KLHL22: variants seen among roughly 807,000 people sequenced by gnomAD.
KLHL22 encodes the protein kelch like family member 22.
KLHL22 carries 18 observed loss-of-function variants against 60.7 expected under a neutral mutation model. The observed-to-expected ratio is 0.30, with a 90% CI of 0.20 to 0.44. The LOEUF (loss-of-function observed/expected upper bound fraction) is 0.44. KLHL22 is among the 20% of genes least tolerant of loss of function. The pLI is 1.00. For synonymous variants in KLHL22, 355 were observed against 354.5 expected (o/e 1.00, Z -0.01); for missense variants, 596 against 852.3 (o/e 0.70, Z 3.74).
chr22:20,458,743 A>C (rs1278303878), intron 4 of KLHL22, among the ~76,000 whole-genome samples: 1 of 151,886 alleles, frequency 6.6e-6, no homozygotes, highest in Non-Finnish European at 1.5e-5. Flanking sequence ...TCATACCCTC[A>C]GCTTTGTCAA....
chr22:20,450,589 A>G, intron 5 of KLHL22: 1 of 1,608,612 alleles, frequency 6.2e-7, no homozygotes, highest in Admixed American at 1.7e-5. Context: ...TGAGGTTTTT[A>G]GCCAGAAGAA....
intron 4 of KLHL22, among the ~76,000 whole-genome samples, chr22:20,458,809 C>T (rs2053108847): frequency 6.6e-6 from 1 of 152,142 alleles, no homozygotes; most frequent in Non-Finnish European, 1.5e-5. Context: ...CACCATGCTG[C>T]CAGCCCCGCG....
At chr22:20,458,074 C>G in intron 4 of KLHL22, 74 bp from the exon 5 acceptor site, 1 of 1,527,680 alleles carries the variant, frequency 6.5e-7, no homozygotes, top group Non-Finnish European at 8.9e-7. Context: ...ACCTCTTGTT[C>G]TGGTCCCATT....
intron 4 of KLHL22, among the ~76,000 whole-genome samples, chr22:20,458,273 C>CTTTTTT (rs35379911): frequency 2.2e-4 from 17 of 76,514 alleles, no homozygotes; most frequent in South Asian, 5.2e-4. Flanking sequence ...TCCAATGGCT[C>CTTTTTT]TTTTTTTTTT....
In KLHL22 at chr22:20,441,968, G is replaced by C; in HGVS notation, c.*105C>G. On this transcript the variant is annotated 3_prime_UTR_variant, in exon 7 of 7. Coordinates refer to ENST00000328879, the MANE Select transcript of KLHL22 (RefSeq NM_032775.4). ...CAGGGCCCATAAGCTGTGGCCAACA[G>C]GGGCAGGGGCCCTGCCTGGAGTAAA... is the stretch of plus-strand genomic sequence containing the variant. The C allele has an allele frequency of 8.2e-7, 1 of 1,215,112 alleles. No homozygotes were observed. Among genetic ancestry groups the C allele is most frequent in the Non-Finnish European group, 1.1e-6 (1 of 901,260 alleles). 75.3% of individuals were successfully genotyped at this position (1,215,112 alleles called of 1,614,324 possible).
intron 1 of KLHL22, chr22:20,489,824 G>T (rs2053653834): frequency 2.1e-6 from 1 of 470,800 alleles, no homozygotes; most frequent in Admixed American, 2.4e-5. Flanking sequence ...TGCCAAGGGG[G>T]TGGCATTTCC....
At position 20,442,285 on chromosome 22, in the gene KLHL22, T is replaced by C; in HGVS notation, c.1693A>G (p.Ile565Val). ...NRGSRTGYVH[I>V]YDVEKDCWEE... Reference sequence around the variant, plus strand: ...CAGCAGTCCTTCTCCACATCGTAAATGTGCACGTAGCCTGTGCGGCTGCCG... The same window carrying C: ...CAGCAGTCCTTCTCCACATCGTAAACGTGCACGTAGCCTGTGCGGCTGCCG... Residue 565 changes from isoleucine (I) to valine (V), a missense_variant, in exon 7 of 7, where the codon ATT becomes GTT. By Grantham distance (29) the Ile-to-Val change is conservative. Coordinates refer to ENST00000328879, the MANE Select transcript of KLHL22 (RefSeq NM_032775.4). 2 of 1,613,910 alleles carry C rather than the reference T, an allele frequency of 1.2e-6. No individual in the cohort carries two copies. Among genetic ancestry groups the C allele is most frequent in the Non-Finnish European group, 1.7e-6 (2 of 1,179,998 alleles).
In KLHL22 at chr22:20,442,448, C is replaced by T; in HGVS notation, c.1540-10G>A. The T allele has an allele frequency of 6.3e-7, 1 of 1,576,230 alleles. No homozygotes were observed. The highest frequency in any genetic ancestry group is 8.6e-7 in the Non-Finnish European group (1 of 1,158,844). On this transcript the variant is annotated splice_polypyrimidine_tract_variant and intron_variant, in intron 6 of 6. Coordinates refer to ENST00000328879, the MANE Select transcript of KLHL22 (RefSeq NM_032775.4). ...AGCTGTAGCAGGCCACCTGCAAAGCCAAGGCTAGAATAAAGCCCAGCACCC... is the reference window on the plus strand; with the variant it reads ...AGCTGTAGCAGGCCACCTGCAAAGCTAAGGCTAGAATAAAGCCCAGCACCC...
intron 5 of KLHL22, chr22:20,451,301 G>T: frequency 3.1e-6 from 5 of 1,607,458 alleles, no homozygotes; most frequent in Non-Finnish European, 2.6e-6. Context: ...CGTCACACCA[G>T]TATGGAGCGG....
intron 5 of KLHL22, chr22:20,451,011 A>T (rs112009024): frequency 6.5e-7 from 1 of 1,535,178 alleles, no homozygotes; most frequent in Non-Finnish European, 9.0e-7. Flanking sequence ...CCATCGATGC[A>T]GTAGAGAAAT....
At position 20,447,529 on chromosome 22, in the gene KLHL22, T is replaced by A. The variant is rs1167200804; in HGVS notation, c.1306-853A>T. 2.7e-5 allele frequency among the ~76,000 whole-genome samples: 4 copies of A among 148,684 alleles called. No homozygotes were observed. The East Asian group carries it at 8.1e-4, about 30-fold the overall frequency. On this transcript the variant is annotated intron_variant, in intron 5 of 6. Coordinates refer to ENST00000328879, the MANE Select transcript of KLHL22 (RefSeq NM_032775.4). The stretch of plus-strand genomic sequence containing the variant: ...GGTCTTCTCCTATCACCAGTAGGGG[T>A]CTGGGGAGGTTTTTCTTTTTTTTTT...
At chr22:20,472,178 C>T (rs746691464) in intron 2 of KLHL22, among the ~76,000 whole-genome samples, 30 of 152,250 alleles carry the variant, frequency 2.0e-4, no homozygotes, top group South Asian at 4.1e-4. Context: ...ACCTGGGAGA[C>T]GGAGGGTGCC....
Position 20,489,953 on chromosome 22 carries a change from A to G in KLHL22, c.-33-709T>C, listed in dbSNP as rs570747991. ...ATTAAAGATTATCTTCTAATAATTG[A>G]GTCAGTACGTTCAAAAACCGCAAAC... On this transcript the variant is annotated intron_variant, in intron 1 of 6. Coordinates refer to ENST00000328879, the MANE Select transcript of KLHL22 (RefSeq NM_032775.4). 1.1e-3 allele frequency: 402 copies of G among 369,772 alleles called. 6 individuals are homozygous for G. Among genetic ancestry groups the G allele is most frequent in the South Asian group, 7.9e-3 (379 of 47,800 alleles). 22.9% of individuals were successfully genotyped at this position (369,772 alleles called of 1,614,324 possible).
intron 3 of KLHL22, among the ~76,000 whole-genome samples, chr22:20,469,676 A>G (rs2053283774): frequency 6.6e-6 from 1 of 152,212 alleles, no homozygotes; most frequent in East Asian, 1.9e-4. Context: ...GGTCCTATCC[A>G]CCAATCTGAG....
At chr22:20,464,115 C>T (rs1352106017) in intron 4 of KLHL22, among the ~76,000 whole-genome samples, 5 of 152,216 alleles carry the variant, frequency 3.3e-5, no homozygotes, top group Non-Finnish European at 7.3e-5. Flanking sequence ...GCCTGAACCA[C>T]TGTCCCTTGC....
At chr22:20,489,805 G>A (rs544060408) in intron 1 of KLHL22, 1 of 471,148 alleles carries the variant, frequency 2.1e-6, no homozygotes, top group Non-Finnish European at 4.4e-6. Context: ...CAGGAGTCTG[G>A]GAGGTGGGTG....
chr22:20,467,047 G>C (rs908016929), intron 3 of KLHL22, among the ~76,000 whole-genome samples: 2 of 152,242 alleles, frequency 1.3e-5, no homozygotes, highest in Non-Finnish European at 2.9e-5. Flanking sequence ...GAACAAACCA[G>C]GTGTTGATAA....
intron 6 of KLHL22, among the ~76,000 whole-genome samples, chr22:20,444,887 T>A (rs538886382): frequency 1.3e-5 from 2 of 151,632 alleles, no homozygotes; most frequent in African/African-American, 4.8e-5. Flanking sequence ...TGGGCTCAGT[T>A]GATTCTCCCT....
intron 2 of KLHL22, chr22:20,483,915 G>T (rs1419976817): frequency 2.9e-6 from 2 of 679,922 alleles, no homozygotes; most frequent in Non-Finnish European, 5.4e-6. Context: ...CATCCCCGCG[G>T]CCAGGCCCCC....
Sources: gnomAD v4.1 joint callset for allele counts (sites outside exome capture counted in the v4.1 genomes callset) on GRCh38, gnomAD v4.1.1 for gene constraint, MANE v1.5 for transcripts, NCBI Gene and HGNC (gene_info 2026-07-23, HGNC 2026-07-21) for gene names.